RHOBTB1: variants seen among roughly 807,000 people sequenced by gnomAD.
The protein encoded by RHOBTB1 is rho-related BTB domain-containing protein 1.
In RHOBTB1, 40 loss-of-function variants were observed where a neutral mutation model predicts 71.6. That is an observed-to-expected ratio of 0.56 (90% CI 0.43 to 0.73). The LOEUF (loss-of-function observed/expected upper bound fraction) is 0.73. Ranked by LOEUF, RHOBTB1 falls within the 30% of genes least tolerant of loss-of-function variation. The pLI is 0.00. For synonymous variants in RHOBTB1, 319 were observed against 334.9 expected, an observed-to-expected ratio of 0.95 and a Z score of 0.52; for missense variants, 797 against 894.0, an observed-to-expected ratio of 0.89 and a Z score of 1.38.
At chr10:60,893,079 C>G in intron 4 of RHOBTB1, 84 bp from the exon 5 acceptor site, 1 of 959,416 alleles carries the variant, frequency 1.0e-6, no homozygotes, top group Admixed American at 2.5e-5. Flanking sequence ...AAACCCCATC[C>G]TTCTAATGCC....
At chr10:60,924,237 A>G (rs537161115) in intron 2 of RHOBTB1, among the ~76,000 whole-genome samples, 82 of 150,828 alleles carry the variant, frequency 5.4e-4, no homozygotes, top group Middle Eastern at 3.4e-3. Context: ...AATGATACGA[A>G]TGACTATAAA....
At chr10:60,886,482 G>A (rs949540276) in intron 6 of RHOBTB1, among the ~76,000 whole-genome samples, 6 of 152,030 alleles carry the variant, frequency 3.9e-5, no homozygotes, top group African/African-American at 1.5e-4. Context: ...TAATAGAAAG[G>A]AGGGAATATT....
intron 2 of RHOBTB1, among the ~76,000 whole-genome samples, chr10:60,935,979 C>G (rs1042206596): frequency 1.2e-4 from 19 of 152,092 alleles, no homozygotes; most frequent in African/African-American, 4.3e-4. Context: ...CTTTATTGTT[C>G]TAGATCTAAG....
chr10:60,904,892 ACACTGAACTGAATGT>A (rs2082587484), intron 4 of RHOBTB1, among the ~76,000 whole-genome samples: 1 of 152,226 alleles, frequency 6.6e-6, no homozygotes, highest in Admixed American at 6.5e-5. Flanking sequence ...TTACAGCAGC[ACACTGAACTGAATGT>A]CTTTAAGACA....
At position 60,886,210 on chromosome 10, in the gene RHOBTB1, C is replaced by T. The variant is rs139669589; in HGVS notation, c.1477G>A (p.Asp493Asn). Residue 493 changes from aspartate to asparagine, a missense_variant, in exon 7 of 11, where the codon GAT becomes AAT. By Grantham distance (23) the Asp-to-Asn change is conservative. Coordinates refer to ENST00000337910, the MANE Select transcript of RHOBTB1 (RefSeq NM_014836.5). ...GGCTTGTGGGCACTGATGGCTCCAT[C>T]GTCCAATTTAAATGTCACGTCTGCC... ...TFSDVTFKLD[D>N]GAISAHKPLL... 40 of 1,613,984 alleles carry T rather than the reference C, an allele frequency of 2.5e-5. 1 individual carries two copies. In the South Asian group the frequency reaches 3.0e-4, roughly 12 times the overall value.
chr10:60,999,467 T>C (rs956544701), intron 1 of RHOBTB1, among the ~76,000 whole-genome samples: 24 of 152,228 alleles, frequency 1.6e-4, no homozygotes, highest in African/African-American at 5.8e-4. Flanking sequence ...CGACACACTT[T>C]GTTATTCAAA....
At chr10:60,951,024 T>C (rs2085391554) in intron 2 of RHOBTB1, among the ~76,000 whole-genome samples, 1 of 152,188 alleles carries the variant, frequency 6.6e-6, no homozygotes, top group Non-Finnish European at 1.5e-5. Flanking sequence ...ATAAGTGGAC[T>C]ACAAATACAT....
chr10:60,899,839 A>G (rs1345060152), intron 4 of RHOBTB1, among the ~76,000 whole-genome samples: 1 of 152,212 alleles, frequency 6.6e-6, no homozygotes, highest in Non-Finnish European at 1.5e-5. Flanking sequence ...GCTAAGTGCC[A>G]ATTAGAAAAT....
intron 4 of RHOBTB1, among the ~76,000 whole-genome samples, chr10:60,907,862 C>T (rs1026935295): frequency 2.6e-5 from 4 of 152,104 alleles, no homozygotes; most frequent in Non-Finnish European, 5.9e-5. Context: ...TTGAATCTGC[C>T]TCTGAGACTC....
At chr10:60,887,597 G>GGA (rs1370009610) in intron 6 of RHOBTB1, among the ~76,000 whole-genome samples, 7 of 152,206 alleles carry the variant, frequency 4.6e-5, no homozygotes, top group Non-Finnish European at 1.0e-4. Flanking sequence ...AGGAGGTGCA[G>GGA]GAAAACTACA....
intron 2 of RHOBTB1, among the ~76,000 whole-genome samples, chr10:60,934,885 T>C (rs372373042): frequency 9.6e-4 from 146 of 152,308 alleles, no homozygotes; most frequent in African/African-American, 3.2e-3. Flanking sequence ...TTGCTTATGT[T>C]TTAAAAGTAC....
chr10:60,886,719 G>GC (rs1396486870), intron 6 of RHOBTB1, among the ~76,000 whole-genome samples: 34 of 140,494 alleles, frequency 2.4e-4, no homozygotes, highest in Admixed American at 7.9e-4. Flanking sequence ...AAGAGATGTG[G>GC]GGGGGGGTGG....
At chr10:60,936,717 T>C (rs974604119) in intron 2 of RHOBTB1, among the ~76,000 whole-genome samples, 2 of 152,240 alleles carry the variant, frequency 1.3e-5, no homozygotes, top group Admixed American at 1.3e-4. Flanking sequence ...ATCCCAGAAT[T>C]ACTGAATCAT....
At chr10:60,876,088 C>G (rs567309036) in intron 8 of RHOBTB1, among the ~76,000 whole-genome samples, 2 of 152,326 alleles carry the variant, frequency 1.3e-5, no homozygotes, top group Admixed American at 1.3e-4. Flanking sequence ...ACCTCCTCAA[C>G]TAGATTGAAC....
chr10:60,944,526 G>A (rs1261771694), upstream of RHOBTB1, among the ~76,000 whole-genome samples: 1 of 152,080 alleles, frequency 6.6e-6, no homozygotes, highest in South Asian at 2.1e-4. Flanking sequence ...CTTTCCCCGC[G>A]CTGCCGGGAG....
intron 1 of RHOBTB1, among the ~76,000 whole-genome samples, chr10:60,989,309 G>T (rs371368416): frequency 5.3e-5 from 8 of 152,264 alleles, no homozygotes; most frequent in African/African-American, 1.9e-4. Flanking sequence ...CTTGTTTTAA[G>T]ACATCAGATT....
At chr10:60,988,504 T>C (rs556211220) in intron 1 of RHOBTB1, among the ~76,000 whole-genome samples, 3 of 151,974 alleles carry the variant, frequency 2.0e-5, no homozygotes, top group Non-Finnish European at 4.4e-5. Flanking sequence ...CCATTCTTTA[T>C]GTCCATGTGT....
intron 2 of RHOBTB1, among the ~76,000 whole-genome samples, chr10:60,966,928 G>A (rs370983264): frequency 2.6e-5 from 4 of 151,420 alleles, no homozygotes; most frequent in Non-Finnish European, 4.4e-5. Context: ...GCAGCACTGC[G>A]CCAGGCACTG....
chr10:60,908,355 A>G (rs2082787924), intron 4 of RHOBTB1, among the ~76,000 whole-genome samples: 1 of 152,250 alleles, frequency 6.6e-6, no homozygotes, highest in Admixed American at 6.5e-5. Flanking sequence ...AAAGGTTTCG[A>G]ATACATTTTC....
Sources: gnomAD v4.1 joint callset for allele counts (sites outside exome capture counted in the v4.1 genomes callset) on GRCh38, gnomAD v4.1.1 for gene constraint, MANE v1.5 for transcripts, NCBI Gene and HGNC (gene_info 2026-07-23, HGNC 2026-07-21) for gene names.